The following LSAMP variants were observed in gnomAD, a reference collection of about 807,000 sequenced individuals.
LSAMP encodes the protein limbic system associated membrane protein, also known as limbic system-associated membrane protein.
Under a neutral mutation model 38.6 loss-of-function variants are expected in LSAMP, and 7 were observed. The ratio of observed to expected loss-of-function variants is 0.18; its 90% CI spans 0.10 to 0.34. LSAMP has a LOEUF of 0.34. Ranked by LOEUF, LSAMP falls within the 10% of genes least tolerant of loss-of-function variation. The probability of loss-of-function intolerance (pLI) is 1.00; values close to 1 mark genes in which losing one functional copy is unlikely to be tolerated. For synonymous variants in LSAMP, 154 were observed against 166.8 expected (o/e 0.92, Z 0.59); for missense variants, 313 against 420.0 (o/e 0.75, Z 2.23).
In LSAMP at chr3:116,140,729, C is replaced by T. The variant is rs561162631; in HGVS notation, c.156-54173G>A. 8.3e-4 allele frequency among the ~76,000 whole-genome samples: 126 copies of T among 151,984 alleles called. 1 individual carries two copies. The highest frequency in any genetic ancestry group is 2.9e-3 in the African/African-American group (120 of 41,492). On this transcript the variant is annotated intron_variant, in intron 1 of 6. Coordinates refer to ENST00000490035, the MANE Select transcript of LSAMP (RefSeq NM_002338.5). ...CACACTAACATTCACGAAGCTTTAT[C>T]CACAATATGTATCTGCTCAAGGGTG...
chr3:115,924,368 A>G (rs940820462), intron 3 of LSAMP, among the ~76,000 whole-genome samples: 2 of 152,034 alleles, frequency 1.3e-5, no homozygotes, highest in Non-Finnish European at 2.9e-5. Context: ...TGTTTCTTCT[A>G]CTTATGTCTT....
At chr3:116,369,986 GA>G (rs1196490994) in intron 1 of LSAMP, 2 of 152,456 alleles carry the variant, frequency 1.3e-5, no homozygotes, top group Admixed American at 6.6e-5. Context: ...CAGAACTGTG[GA>G]AAAAAATTCT....
chr3:116,168,575 A>G (rs1009058758), intron 1 of LSAMP, among the ~76,000 whole-genome samples: 1 of 152,178 alleles, frequency 6.6e-6, no homozygotes, highest in African/African-American at 2.4e-5. Context: ...TTTTCTCAGC[A>G]TATATCTGCT....
At chr3:116,417,653 G>A (rs1337772392) in intron 1 of LSAMP, among the ~76,000 whole-genome samples, 1 of 152,178 alleles carries the variant, frequency 6.6e-6, no homozygotes, top group African/African-American at 2.4e-5. Flanking sequence ...AAAAGGGAGA[G>A]AAAGAGAGTT....
chr3:116,039,928 T>C (rs1390608214), intron 2 of LSAMP, among the ~76,000 whole-genome samples: 1 of 152,120 alleles, frequency 6.6e-6, no homozygotes, highest in East Asian at 1.9e-4. Context: ...CATACATCGC[T>C]AAAGCCCTGT....
chr3:116,018,780 G>A (rs909717006), intron 3 of LSAMP, among the ~76,000 whole-genome samples: 6 of 152,080 alleles, frequency 3.9e-5, no homozygotes, highest in East Asian at 1.9e-4. Context: ...TTTTTATGGC[G>A]ATGGTGGTGA....
intron 2 of LSAMP, among the ~76,000 whole-genome samples, chr3:116,031,931 T>C (rs889815722): frequency 6.6e-6 from 1 of 152,100 alleles, no homozygotes; most frequent in African/African-American, 2.4e-5. Flanking sequence ...AAAATTATAA[T>C]AATGATAGAA....
chr3:116,223,695 G>A (rs1203196244), intron 1 of LSAMP, among the ~76,000 whole-genome samples: 1 of 152,174 alleles, frequency 6.6e-6, no homozygotes, highest in Non-Finnish European at 1.5e-5. Flanking sequence ...GGTATTTAAT[G>A]TTGACACTAT....
intron 1 of LSAMP, among the ~76,000 whole-genome samples, chr3:116,332,853 C>T (rs2047868412): frequency 6.6e-6 from 1 of 151,858 alleles, no homozygotes; most frequent in Non-Finnish European, 1.5e-5. Flanking sequence ...CTACTAGTAT[C>T]AGACAAAATG....
At chr3:116,077,670 T>G (rs577967585) in intron 2 of LSAMP, among the ~76,000 whole-genome samples, 1 of 152,342 alleles carries the variant, frequency 6.6e-6, no homozygotes, top group Admixed American at 6.5e-5. Context: ...ATAATACAAA[T>G]AGTTCCCATG....
intron 1 of LSAMP, among the ~76,000 whole-genome samples, chr3:116,200,400 G>C (rs749932357): frequency 6.6e-6 from 1 of 152,168 alleles, no homozygotes; most frequent in Non-Finnish European, 1.5e-5. Flanking sequence ...TCCCAATTAA[G>C]AGTCTGATAC....
At chr3:116,323,902 A>T (rs1288044157) in intron 1 of LSAMP, among the ~76,000 whole-genome samples, 1 of 152,196 alleles carries the variant, frequency 6.6e-6, no homozygotes, top group Non-Finnish European at 1.5e-5. Context: ...AACAATCTTC[A>T]ACCCTTCCTT....
chr3:115,936,640 T>TA (rs958645754), intron 3 of LSAMP, among the ~76,000 whole-genome samples: 1 of 151,984 alleles, frequency 6.6e-6, no homozygotes, highest in East Asian at 1.9e-4. Flanking sequence ...AGTAGCAATC[T>TA]AAAAAAAATT....
At chr3:116,272,554 C>T (rs770316003) in intron 1 of LSAMP, among the ~76,000 whole-genome samples, 8 of 152,126 alleles carry the variant, frequency 5.3e-5, no homozygotes, top group African/African-American at 1.4e-4. Context: ...TAATCTAATT[C>T]GTCTTGACTA....
chr3:115,826,956 C>CTT lies in LSAMP; in HGVS notation c.919+14887_919+14888dup, dbSNP rs67125824. On this transcript the variant is annotated intron_variant, in intron 6 of 6. Coordinates refer to ENST00000490035, the MANE Select transcript of LSAMP (RefSeq NM_002338.5). ...CCTCCAATTAATGGGATCATTCCGT[C>CTT]TTTTTTTTTTTTTTTTTTTTAAGCA... Among the ~76,000 whole-genome samples the CTT allele has an allele frequency of 5.4e-3, 720 of 133,456 alleles. 7 individuals are homozygous for CTT. The highest frequency in any genetic ancestry group is 0.016 in the African/African-American group (596 of 36,790). 87.6% of individuals were successfully genotyped at this position (133,456 alleles called of 152,430 possible).
At chr3:115,845,944 A>AC (rs1171808778) in intron 4 of LSAMP, among the ~76,000 whole-genome samples, 1 of 152,210 alleles carries the variant, frequency 6.6e-6, no homozygotes, top group African/African-American at 2.4e-5. Context: ...ATTTTCTTGT[A>AC]CCAGGGTAAA....
At chr3:116,401,313 A>G (rs983299741) in intron 1 of LSAMP, among the ~76,000 whole-genome samples, 15 of 151,910 alleles carry the variant, frequency 9.9e-5, no homozygotes, top group African/African-American at 3.4e-4. Context: ...ATAGGGTCTC[A>G]CTCTGTTGCC....
At chr3:115,945,009 C>T (rs575501216) in intron 3 of LSAMP, among the ~76,000 whole-genome samples, 1 of 152,160 alleles carries the variant, frequency 6.6e-6, no homozygotes, top group East Asian at 1.9e-4. Flanking sequence ...TTCTAGGAAG[C>T]TTATTCTAAT....
At chr3:115,914,873 G>T (rs1319802766) in intron 3 of LSAMP, among the ~76,000 whole-genome samples, 21 of 152,100 alleles carry the variant, frequency 1.4e-4, no homozygotes, top group Admixed American at 1.4e-3. Flanking sequence ...GGATTCTTTT[G>T]CACTGCTGGG....
Sources: gnomAD v4.1 joint callset for allele counts (sites outside exome capture counted in the v4.1 genomes callset) on GRCh38, gnomAD v4.1.1 for gene constraint, MANE v1.5 for transcripts, NCBI Gene and HGNC (gene_info 2026-07-23, HGNC 2026-07-21) for gene names.